The following COP1 variants were observed in gnomAD, a reference collection of about 807,000 sequenced individuals.
COP1 encodes COP1 E3 ubiquitin ligase.
Under a neutral mutation model 101.3 loss-of-function variants are expected in COP1, and 24 were observed. That is an observed-to-expected ratio of 0.24 (90% CI 0.17 to 0.33). The LOEUF (loss-of-function observed/expected upper bound fraction) is 0.33, where lower values mean the gene tolerates loss of function less well. Ranked by LOEUF, COP1 falls within the 10% of genes least tolerant of loss-of-function variation. COP1 has a pLI of 1.00. For synonymous variants in COP1, 347 were observed against 341.9 expected (o/e 1.01, Z -0.17); for missense variants, 663 against 906.2 (o/e 0.73, Z 3.45).
chr1:176,037,435 A>C (rs911637813), intron 14 of COP1, among the ~76,000 whole-genome samples: 8 of 151,720 alleles, frequency 5.3e-5, no homozygotes, highest in Non-Finnish European at 1.2e-4. Flanking sequence ...AAAAAAAAAA[A>C]CACATAGCAC....
At chr1:176,169,636 C>T (rs1695734076) in intron 3 of COP1, among the ~76,000 whole-genome samples, 1 of 152,268 alleles carries the variant, frequency 6.6e-6, no homozygotes, top group African/African-American at 2.4e-5. Context: ...CTAAAAAATG[C>T]TAATGACCAT....
At chr1:176,057,949 C>A (rs1010658260) in intron 11 of COP1, among the ~76,000 whole-genome samples, 2 of 152,052 alleles carry the variant, frequency 1.3e-5, no homozygotes, top group African/African-American at 2.4e-5. Context: ...GCCCCGCCGC[C>A]CCTTCTGGGA....
At chr1:175,968,160 A>G (rs1652451607) in intron 18 of COP1, among the ~76,000 whole-genome samples, 1 of 152,186 alleles carries the variant, frequency 6.6e-6, no homozygotes, top group Admixed American at 6.5e-5. Flanking sequence ...GTGAGCCACC[A>G]TGCTCGGCAA....
chr1:175,995,556 A>G (rs1282437065), intron 15 of COP1, among the ~76,000 whole-genome samples: 2 of 152,234 alleles, frequency 1.3e-5, no homozygotes, highest in Non-Finnish European at 2.9e-5. Context: ...AAAAAATGAT[A>G]AACGGGATAT....
In COP1 at chr1:176,173,986, C is replaced by CAAAAA. The variant is rs1212803591; in HGVS notation, c.565+1919_565+1923dup. On this transcript the variant is annotated intron_variant, in intron 3 of 19. Transcript: ENST00000367669. ...TGGGCAACAGAGTGAGATGCTGTCTCAAAAAAAAAAAAAAAAAAAAAAGAG... is the reference window on the plus strand; with the variant it reads ...TGGGCAACAGAGTGAGATGCTGTCTCAAAAAAAAAAAAAAAAAAAAAAAAAAAGAG... Among the ~76,000 whole-genome samples, 39 of 49,074 alleles carry CAAAAA rather than the reference C, an allele frequency of 7.9e-4. 6 individuals carry two copies. The highest frequency in any genetic ancestry group is 4.2e-3 in the Admixed American group (12 of 2,834). 32.2% of individuals were successfully genotyped at this position (49,074 alleles called of 152,430 possible). A position where few individuals can be genotyped will look rare whatever the true frequency, so the allele number is the denominator to read the frequency against.
chr1:176,052,466 C>A (rs1165034519), intron 11 of COP1, among the ~76,000 whole-genome samples: 2 of 152,152 alleles, frequency 1.3e-5, no homozygotes, highest in Admixed American at 6.5e-5. Context: ...CTCTTCCAAT[C>A]GATTTTAAAG....
intron 15 of COP1, among the ~76,000 whole-genome samples, 171 bp downstream of exon 15, chr1:176,027,401 G>T (rs951817560): frequency 5.3e-5 from 8 of 152,066 alleles, no homozygotes; most frequent in Non-Finnish European, 1.0e-4. Context: ...TGCAATTAAG[G>T]TACAGCACTA....
chr1:175,998,002 A>G (rs1228590612), intron 15 of COP1, among the ~76,000 whole-genome samples: 1 of 148,280 alleles, frequency 6.7e-6, no homozygotes, highest in African/African-American at 2.5e-5. Context: ...AGCCAACCCA[A>G]AAGTCCATAT....
chr1:176,205,990 T>C lies in COP1; in HGVS notation c.407+582A>G, dbSNP rs116284017. ...AGCCGATTCCTAAGTGGCCCATCCT[T>C]TGAAATGGAAGAAGATATTTACACA... On this transcript the variant is annotated intron_variant, in intron 1 of 19. Coordinates refer to ENST00000367669, the MANE Select transcript of COP1 (RefSeq NM_022457.7). 1.6e-3 allele frequency among the ~76,000 whole-genome samples: 237 copies of C among 152,308 alleles called. 3 individuals are homozygous for C. The highest frequency in any genetic ancestry group is 5.5e-3 in the African/African-American group (228 of 41,558).
intron 11 of COP1, among the ~76,000 whole-genome samples, chr1:176,062,137 A>T (rs1674966973): frequency 6.6e-6 from 1 of 152,082 alleles, no homozygotes; most frequent in African/African-American, 2.4e-5. Context: ...AGTAGCTGGG[A>T]CTACAGGCGC....
At chr1:176,104,613 C>A (rs1683986452) in intron 9 of COP1, among the ~76,000 whole-genome samples, 1 of 152,102 alleles carries the variant, frequency 6.6e-6, no homozygotes, top group Admixed American at 6.5e-5. Flanking sequence ...TATTTCTCAC[C>A]TAATATATTG....
chr1:175,971,589 T>C (rs562414189), intron 18 of COP1, among the ~76,000 whole-genome samples: 3 of 151,776 alleles, frequency 2.0e-5, no homozygotes, highest in Non-Finnish European at 4.4e-5. Flanking sequence ...ACCTATTCTG[T>C]GTACTCCACC....
intron 18 of COP1, among the ~76,000 whole-genome samples, chr1:175,983,058 T>G (rs1558206747): frequency 6.6e-6 from 1 of 152,182 alleles, no homozygotes; most frequent in Non-Finnish European, 1.5e-5. Flanking sequence ...AAAAAGCATG[T>G]GAGATGACCG....
intron 18 of COP1, among the ~76,000 whole-genome samples, chr1:175,948,882 G>A (rs1160955066): frequency 1.3e-5 from 2 of 152,000 alleles, no homozygotes; most frequent in Admixed American, 6.5e-5. Context: ...AGTAACATGG[G>A]GGCTGGGCGC....
At chr1:176,125,568 C>G (rs991588373) in intron 8 of COP1, among the ~76,000 whole-genome samples, 1 of 152,066 alleles carries the variant, frequency 6.6e-6, no homozygotes, top group African/African-American at 2.4e-5. Context: ...GTCCTCTATT[C>G]GGTTCCATTG....
chr1:175,989,610 A>G (rs1177356548), intron 15 of COP1, 131 bp from the exon 16 acceptor site: 2 of 568,992 alleles, frequency 3.5e-6, no homozygotes, highest in African/African-American at 3.7e-5. Flanking sequence ...CAGAAAACAA[A>G]GGAAAAGGAA....
chr1:176,168,660 CT>C, intron 3 of COP1: 1 of 272,500 alleles, frequency 3.7e-6, no homozygotes, highest in South Asian at 3.1e-5. Context: ...ACTTCCAGCC[CT>C]TACCTGAATC....
chr1:176,196,376 A>C (rs1353978919), intron 1 of COP1, among the ~76,000 whole-genome samples: 2 of 152,206 alleles, frequency 1.3e-5, no homozygotes, highest in Non-Finnish European at 2.9e-5. Context: ...ATTCAAGGAA[A>C]AAAGAAACAC....
intron 15 of COP1, among the ~76,000 whole-genome samples, chr1:176,006,480 C>T (rs1261928810): frequency 6.6e-6 from 1 of 152,162 alleles, no homozygotes; most frequent in Non-Finnish European, 1.5e-5. Flanking sequence ...TTTGCAGTGG[C>T]TGGTATGGGT....
Sources: gnomAD v4.1 joint callset for allele counts (sites outside exome capture counted in the v4.1 genomes callset) on GRCh38, gnomAD v4.1.1 for gene constraint, MANE v1.5 for transcripts, NCBI Gene and HGNC (gene_info 2026-07-23, HGNC 2026-07-21) for gene names.